RGS6: variants seen among roughly 807,000 people sequenced by gnomAD.
The protein encoded by RGS6 is regulator of G protein signaling 6, also known as regulator of G-protein signaling 6.
A neutral mutation model predicts 78.5 loss-of-function variants in RGS6; 30 were observed. That is an observed-to-expected ratio of 0.38 (90% CI 0.29 to 0.52). The LOEUF (loss-of-function observed/expected upper bound fraction) is 0.52. Among genes scored for constraint, RGS6 ranks in the 20% least tolerant of loss-of-function variants. The pLI, the probability that RGS6 is intolerant of heterozygous loss-of-function variation, is 0.85. For missense variants in RGS6, 495 were observed against 609.7 expected, an observed-to-expected ratio of 0.81 and a Z score of 1.98; for synonymous variants, 206 against 206.0, an observed-to-expected ratio of 1.00 and a Z score of 0.00.
At chr14:72,619,230 G>T in the RGS6 span, 2 of 1,480,288 alleles carry the variant, frequency 1.4e-6, no homozygotes, top group Non-Finnish European at 1.8e-6. Flanking sequence ...AGGAGGGCGC[G>T]TTCTGGTTTG....
intron 17 of RGS6, among the ~76,000 whole-genome samples, chr14:72,549,780 A>G (rs1449938104): frequency 6.6e-6 from 1 of 152,122 alleles, no homozygotes; most frequent in Non-Finnish European, 1.5e-5. Flanking sequence ...GAGGATCACT[A>G]GAACAAGGGA....
intron 2 of RGS6, among the ~76,000 whole-genome samples, chr14:72,082,220 A>G (rs954984729): frequency 5.9e-5 from 9 of 152,134 alleles, no homozygotes; most frequent in African/African-American, 2.2e-4. Flanking sequence ...GATTAATTGC[A>G]TCTTTAGATC....
At chr14:72,615,337 C>A in the RGS6 span, among the ~76,000 whole-genome samples, 1 of 152,116 alleles carries the variant, frequency 6.6e-6, no homozygotes. Context: ...CTTTCTTCAG[C>A]GGCATAAAAG....
At chr14:72,629,578 C>A in the RGS6 span, 1 of 1,498,258 alleles carries the variant, frequency 6.7e-7, no homozygotes, top group African/African-American at 1.4e-5. Flanking sequence ...CAAAGGACCC[C>A]AGCTCTGTGG....
At chr14:72,294,924 C>T (rs184468963) in intron 2 of RGS6, among the ~76,000 whole-genome samples, 2 of 152,306 alleles carry the variant, frequency 1.3e-5, no homozygotes, top group African/African-American at 2.4e-5. Flanking sequence ...AGCCACCACT[C>T]TCCATCTTAG....
At chr14:72,120,196 T>TG (rs2096011477) in intron 2 of RGS6, among the ~76,000 whole-genome samples, 1 of 152,232 alleles carries the variant, frequency 6.6e-6, no homozygotes, top group Admixed American at 6.5e-5. Context: ...TTTTCCTTGA[T>TG]ACTATTAAGG....
At chr14:72,349,857 T>C (rs1156235870) in intron 2 of RGS6, among the ~76,000 whole-genome samples, 1 of 152,208 alleles carries the variant, frequency 6.6e-6, no homozygotes, top group African/African-American at 2.4e-5. Flanking sequence ...AATTGAATTG[T>C]TGGTTTCCTT....
intron 3 of RGS6, among the ~76,000 whole-genome samples, chr14:72,423,961 G>A (rs2094324166): frequency 6.6e-6 from 1 of 152,196 alleles, no homozygotes; most frequent in African/African-American, 2.4e-5. Context: ...GTGCCTGGCT[G>A]GGGTTGTGAT....
chr14:72,269,481 A>G (rs1471007028), intron 2 of RGS6, among the ~76,000 whole-genome samples: 3 of 147,396 alleles, frequency 2.0e-5, no homozygotes, highest in African/African-American at 7.6e-5. Flanking sequence ...TGCTTGAAGC[A>G]CTCTTATCCC....
chr14:72,125,873 C>T (rs541993436), intron 2 of RGS6, among the ~76,000 whole-genome samples: 2 of 152,278 alleles, frequency 1.3e-5, no homozygotes, highest in Non-Finnish European at 2.9e-5. Flanking sequence ...CCAGTTTGAA[C>T]TGGGTAAGAA....
At chr14:72,229,648 G>A (rs2049048270) in intron 2 of RGS6, among the ~76,000 whole-genome samples, 1 of 152,110 alleles carries the variant, frequency 6.6e-6, no homozygotes, top group African/African-American at 2.4e-5. Context: ...TTAGGACTTT[G>A]GTATGCTAGT....
chr14:72,075,515 C>T (rs927416997), intron 2 of RGS6, among the ~76,000 whole-genome samples: 3 of 151,870 alleles, frequency 2.0e-5, no homozygotes, highest in Non-Finnish European at 4.4e-5. Flanking sequence ...TTTTCTTTCC[C>T]ACAAAATAGA....
intron 2 of RGS6, among the ~76,000 whole-genome samples, chr14:71,979,789 G>C (rs1478434191): frequency 6.6e-6 from 1 of 152,066 alleles, no homozygotes; most frequent in African/African-American, 2.4e-5. Context: ...GCTTGGTGCA[G>C]AGCTGAGTTC....
chr14:72,410,029 T>A (rs1346638906), intron 3 of RGS6, among the ~76,000 whole-genome samples: 2 of 152,216 alleles, frequency 1.3e-5, no homozygotes, highest in Non-Finnish European at 2.9e-5. Flanking sequence ...AACATACATG[T>A]GCATGTGTCT....
chr14:72,383,172 T>A, intron 3 of RGS6, among the ~76,000 whole-genome samples: 1 of 47,312 alleles, frequency 2.1e-5, no homozygotes, highest in African/African-American at 6.6e-5. Context: ...CATGAAAAAA[T>A]TGTACATATA....
intron 2 of RGS6, among the ~76,000 whole-genome samples, chr14:72,074,733 T>C (rs1413142074): frequency 1.3e-5 from 2 of 152,172 alleles, no homozygotes; most frequent in Admixed American, 6.5e-5. Flanking sequence ...TGCAAGAGGG[T>C]GTAAATGTTT....
At chr14:71,871,753 T>C in the RGS6 span, among the ~76,000 whole-genome samples, 2 of 152,192 alleles carry the variant, frequency 1.3e-5, no homozygotes, top group East Asian at 3.8e-4. Context: ...GCTGTTCCCA[T>C]GTCTATTACC....
intron 4 of RGS6, among the ~76,000 whole-genome samples, chr14:72,458,049 T>C (rs2095677446): frequency 6.6e-6 from 1 of 152,180 alleles, no homozygotes; most frequent in African/African-American, 2.4e-5. Flanking sequence ...GGTTAAGCCA[T>C]GTCAGACTCT....
At chr14:72,300,644 A>G (rs1326909388) in intron 2 of RGS6, among the ~76,000 whole-genome samples, 3 of 152,192 alleles carry the variant, frequency 2.0e-5, no homozygotes, top group Admixed American at 6.5e-5. Context: ...TGGCATTTCA[A>G]TTGTCAGTGA....
Sources: gnomAD v4.1 joint callset for allele counts (sites outside exome capture counted in the v4.1 genomes callset) on GRCh38, gnomAD v4.1.1 for gene constraint, MANE v1.5 for transcripts, NCBI Gene and HGNC (gene_info 2026-07-23, HGNC 2026-07-21) for gene names.